QTMAN: variants seen among roughly 807,000 people sequenced by gnomAD.
QTMAN encodes tRNA-queuosine alpha-mannosyltransferase.
the QTMAN span, among the ~76,000 whole-genome samples, chr2:144,123,006 TAAAAG>T: frequency 6.6e-6 from 1 of 152,100 alleles, no homozygotes; most frequent in South Asian, 2.1e-4. Context: ...TAATATCCTA[TAAAAG>T]AAAGACAAAT....
the QTMAN span, among the ~76,000 whole-genome samples, chr2:144,241,082 G>A: frequency 1.3e-5 from 2 of 152,200 alleles, no homozygotes; most frequent in East Asian, 1.9e-4. Flanking sequence ...GTGCAACTAG[G>A]GTTGAGAAAT....
chr2:144,332,933 C>T, the QTMAN span, among the ~76,000 whole-genome samples: 1 of 152,202 alleles, frequency 6.6e-6, no homozygotes, highest in East Asian at 1.9e-4. Context: ...TCGGATTCCC[C>T]GTGCAGTTTT....
the QTMAN span, among the ~76,000 whole-genome samples, chr2:144,142,439 G>A: frequency 2.6e-5 from 4 of 151,918 alleles, no homozygotes; most frequent in Middle Eastern, 3.4e-3. Context: ...TGTCAGTGAT[G>A]TGCATCATTT....
At chr2:144,112,295 G>A in the QTMAN span, among the ~76,000 whole-genome samples, 6 of 152,244 alleles carry the variant, frequency 3.9e-5, no homozygotes, top group South Asian at 8.3e-4. Flanking sequence ...AAGTAACAAC[G>A]AAAAACACTG....
At chr2:143,994,953 G>C in the QTMAN span, among the ~76,000 whole-genome samples, 2 of 152,130 alleles carry the variant, frequency 1.3e-5, no homozygotes, top group African/African-American at 4.8e-5. Context: ...CAATTATACA[G>C]GCAGAAAGTG....
At chr2:144,165,928 C>T in the QTMAN span, among the ~76,000 whole-genome samples, 1 of 151,998 alleles carries the variant, frequency 6.6e-6, no homozygotes, top group African/African-American at 2.4e-5. Context: ...CAAAAAACAC[C>T]TAACTAATCT....
At chr2:144,307,877 TTCAA>T in the QTMAN span, among the ~76,000 whole-genome samples, 7,634 of 152,216 alleles carry the variant, frequency 0.05, 235 homozygotes, top group South Asian at 0.11. Flanking sequence ...TTTAGAATAA[TTCAA>T]TCATTTAGAT....
At chr2:144,064,595 A>G in the QTMAN span, among the ~76,000 whole-genome samples, 1 of 152,162 alleles carries the variant, frequency 6.6e-6, no homozygotes, top group South Asian at 2.1e-4. Context: ...TGGGAAGATG[A>G]ACATATTCTC....
the QTMAN span, among the ~76,000 whole-genome samples, chr2:144,320,561 A>G: frequency 6.6e-6 from 1 of 152,146 alleles, no homozygotes; most frequent in African/African-American, 2.4e-5. Context: ...CAAGGAGCTC[A>G]CCTTCAGGTC....
chr2:144,269,895 T>C, the QTMAN span, among the ~76,000 whole-genome samples: 2 of 151,746 alleles, frequency 1.3e-5, no homozygotes, highest in African/African-American at 4.8e-5. Context: ...TAACAGCATA[T>C]ATAAGAAATA....
At chr2:144,045,723 C>T in the QTMAN span, among the ~76,000 whole-genome samples, 12 of 152,164 alleles carry the variant, frequency 7.9e-5, no homozygotes, top group African/African-American at 2.9e-4. Flanking sequence ...CAGGGCTATA[C>T]TAAGTGGTGT....
At chr2:144,195,769 C>A in the QTMAN span, among the ~76,000 whole-genome samples, 1 of 152,070 alleles carries the variant, frequency 6.6e-6, no homozygotes, top group Non-Finnish European at 1.5e-5. Flanking sequence ...CAATTCTTAA[C>A]CTCTGCTTCT....
the QTMAN span, among the ~76,000 whole-genome samples, chr2:144,018,658 G>A: frequency 6.6e-6 from 1 of 152,160 alleles, no homozygotes; most frequent in Non-Finnish European, 1.5e-5. Context: ...AAGGCTTGAA[G>A]GCAAAGACAG....
the QTMAN span, among the ~76,000 whole-genome samples, chr2:144,183,197 C>T: frequency 1.3e-5 from 2 of 151,512 alleles, no homozygotes; most frequent in African/African-American, 4.8e-5. Flanking sequence ...TTCAGGTGAG[C>T]AGAATAAATA....
the QTMAN span, among the ~76,000 whole-genome samples, chr2:143,973,672 C>G: frequency 6.6e-6 from 1 of 151,818 alleles, no homozygotes; most frequent in Admixed American, 6.6e-5. Flanking sequence ...GCTTGTAGTC[C>G]CAGCTACACG....
the QTMAN span, chr2:143,938,191 T>A: frequency 2.0e-5 from 3 of 152,184 alleles, no homozygotes; most frequent in East Asian, 1.9e-4. Context: ...AGAGCACAAG[T>A]TCCCCTCCAT....
the QTMAN span, among the ~76,000 whole-genome samples, chr2:144,300,192 C>T: frequency 6.6e-6 from 1 of 152,126 alleles, no homozygotes; most frequent in African/African-American, 2.4e-5. Context: ...GTAGAGATGG[C>T]TGCACAACAA....
At chr2:144,091,849 T>TA in the QTMAN span, among the ~76,000 whole-genome samples, 1 of 151,650 alleles carries the variant, frequency 6.6e-6, no homozygotes, top group African/African-American at 2.4e-5. Flanking sequence ...TAATCAGCAA[T>TA]AAAAAAAAGA....
At chr2:144,146,202 T>G in the QTMAN span, among the ~76,000 whole-genome samples, 1 of 148,818 alleles carries the variant, frequency 6.7e-6, no homozygotes, top group Non-Finnish European at 1.5e-5. Context: ...TGACATAAAC[T>G]CTTTTGATTT....
Sources: allele counts gnomAD v4.1 joint callset (sites outside exome capture counted in the v4.1 genomes callset), GRCh38; gene constraint gnomAD v4.1.1; transcripts MANE v1.5; gene names NCBI Gene and HGNC (gene_info 2026-07-23, HGNC 2026-07-21).